ANKRD13C: variants seen among roughly 807,000 people sequenced by gnomAD.
ANKRD13C encodes ankyrin repeat domain 13C, also known as ankyrin repeat domain-containing protein 13C.
In ANKRD13C, 16 loss-of-function variants were observed where a neutral mutation model predicts 65.5. The observed-to-expected ratio is 0.24, with a 90% CI of 0.17 to 0.37. The LOEUF is 0.37. Among genes scored for constraint, ANKRD13C ranks in the 10% least tolerant of loss-of-function variants. ANKRD13C has a pLI of 1.00. For missense variants in ANKRD13C, 503 were observed against 655.9 expected (o/e 0.77, Z 2.55); for synonymous variants, 235 against 238.7 (o/e 0.98, Z 0.14).
chr1:70,318,679 G>GTTTTTTTTTTTT (rs11337993), intron 3 of ANKRD13C, among the ~76,000 whole-genome samples: 1 of 94,210 alleles, frequency 1.1e-5, no homozygotes. Flanking sequence ...ATCAATCTTT[G>GTTTTTTTTTTTT]TTTTTTTTTT....
intron 7 of ANKRD13C, among the ~76,000 whole-genome samples, chr1:70,299,781 G>A (rs1680247915): frequency 6.6e-6 from 1 of 152,186 alleles, no homozygotes; most frequent in African/African-American, 2.4e-5. Flanking sequence ...AGGTACCTGG[G>A]AGACACACAT....
At chr1:70,337,016 A>T (rs573804579) in intron 1 of ANKRD13C, among the ~76,000 whole-genome samples, 1 of 152,198 alleles carries the variant, frequency 6.6e-6, no homozygotes, top group African/African-American at 2.4e-5. Flanking sequence ...CAATTTTACG[A>T]AAGTCATCAC....
intron 1 of ANKRD13C, among the ~76,000 whole-genome samples, chr1:70,347,505 T>C (rs1390401107): frequency 1.3e-5 from 2 of 152,158 alleles, no homozygotes; most frequent in African/African-American, 4.8e-5. Flanking sequence ...TAATCACCCA[T>C]TTCTGCTACC....
At chr1:70,335,514 C>T (rs1019391961) in intron 2 of ANKRD13C, among the ~76,000 whole-genome samples, 8 of 151,660 alleles carry the variant, frequency 5.3e-5, no homozygotes, top group African/African-American at 9.7e-5. Context: ...CCAGAATAAC[C>T]GGGGATCTAA....
At chr1:70,281,840 A>T (rs1045530717) in intron 9 of ANKRD13C, among the ~76,000 whole-genome samples, 1 of 151,214 alleles carries the variant, frequency 6.6e-6, no homozygotes, top group Non-Finnish European at 1.5e-5. Context: ...TGAGGTCAGG[A>T]GTTCGACACC....
At chr1:70,335,334 A>G (rs1440720306) in intron 2 of ANKRD13C, among the ~76,000 whole-genome samples, 1 of 151,700 alleles carries the variant, frequency 6.6e-6, no homozygotes, top group Non-Finnish European at 1.5e-5. Flanking sequence ...TAAACCTGGG[A>G]GGCAGAGGTT....
chr1:70,329,867 C>A (rs150514302), intron 2 of ANKRD13C, among the ~76,000 whole-genome samples: 13 of 151,668 alleles, frequency 8.6e-5, no homozygotes, highest in African/African-American at 3.1e-4. Context: ...CTGAGGCGGG[C>A]GGATCAGGAG....
chr1:70,285,299 T>C (rs568207411), intron 9 of ANKRD13C, among the ~76,000 whole-genome samples: 2 of 150,892 alleles, frequency 1.3e-5, no homozygotes, highest in African/African-American at 4.9e-5. Context: ...TTCAAGCAAT[T>C]CTCCTGCCTC....
intron 12 of ANKRD13C, among the ~76,000 whole-genome samples, chr1:70,263,863 AG>A (rs1321953805): frequency 6.6e-6 from 1 of 152,210 alleles, no homozygotes; most frequent in Non-Finnish European, 1.5e-5. Context: ...GTGTCTACCT[AG>A]GGTAAGGGCA....
chr1:70,291,445 G>A (rs554602784), intron 9 of ANKRD13C, among the ~76,000 whole-genome samples: 1 of 152,260 alleles, frequency 6.6e-6, no homozygotes, highest in East Asian at 1.9e-4. Context: ...ACTTCACAGA[G>A]GAATAAGATT....
chr1:70,301,015 C>A, intron 6 of ANKRD13C, 107 bp from the exon 7 acceptor site: 1 of 1,150,240 alleles, frequency 8.7e-7, no homozygotes, highest in Non-Finnish European at 1.2e-6. Context: ...GATGCTAATA[C>A]CATATTGCAA....
rs1678430423 is a variant in ANKRD13C, at chr1:70,262,575, CACTGT to C, written c.*137_*141del. 1.1e-6 allele frequency: 1 copy of C among 905,850 alleles called. No individual in the cohort carries two copies. Among genetic ancestry groups the C allele is most frequent in the African/African-American group, 1.7e-5 (1 of 60,006 alleles). The allele number at this position is 905,850 out of a possible 1,614,324, so 56.1% of individuals were successfully genotyped here. A position where few individuals can be genotyped will look rare whatever the true frequency, so the allele number is the denominator to read the frequency against. On this transcript the variant is annotated 3_prime_UTR_variant, in exon 13 of 13. Transcript: ENST00000370944. ...TGAAATTCTTATTAGAGGCCCATTT[CACTGT>C]ATCGTATTACTGATGTGTCGATTCA...
At chr1:70,324,139 C>T (rs920308108) in intron 3 of ANKRD13C, among the ~76,000 whole-genome samples, 1 of 152,036 alleles carries the variant, frequency 6.6e-6, no homozygotes, top group Admixed American at 6.6e-5. Flanking sequence ...ATAAAACTGC[C>T]AACGTTTTTT....
intron 5 of ANKRD13C, among the ~76,000 whole-genome samples, chr1:70,313,221 T>C (rs1029789288): frequency 1.3e-5 from 2 of 152,172 alleles, no homozygotes; most frequent in African/African-American, 2.4e-5. Flanking sequence ...AAAGTGCCAT[T>C]TTCAACCTTA....
chr1:70,347,268 G>A (rs1682573085), intron 1 of ANKRD13C, among the ~76,000 whole-genome samples: 1 of 152,034 alleles, frequency 6.6e-6, no homozygotes, highest in African/African-American at 2.4e-5. Flanking sequence ...AATAAATGGT[G>A]TAGGAACAGA....
At chr1:70,343,270 A>C (rs1682388754) in intron 1 of ANKRD13C, among the ~76,000 whole-genome samples, 3 of 152,184 alleles carry the variant, frequency 2.0e-5, no homozygotes, top group Admixed American at 6.5e-5. Context: ...CTAACAGTGA[A>C]TTTACTGTAT....
At chr1:70,353,263 T>C (rs988083928) in intron 1 of ANKRD13C, among the ~76,000 whole-genome samples, 5 of 152,224 alleles carry the variant, frequency 3.3e-5, no homozygotes, top group Non-Finnish European at 7.3e-5. Context: ...TGGTCAATAT[T>C]GACTAAGATA....
intron 2 of ANKRD13C, among the ~76,000 whole-genome samples, chr1:70,333,664 T>G (rs1207754295): frequency 6.6e-6 from 1 of 152,182 alleles, no homozygotes; most frequent in Non-Finnish European, 1.5e-5. Flanking sequence ...TAGTTAGCAG[T>G]GAACACCAGA....
At chr1:70,346,810 G>C (rs370655765) in intron 1 of ANKRD13C, among the ~76,000 whole-genome samples, 2 of 152,028 alleles carry the variant, frequency 1.3e-5, no homozygotes, top group East Asian at 1.9e-4. Flanking sequence ...AAATTGTGTC[G>C]GGCGGGCGCG....
Sources: gnomAD v4.1 joint callset for allele counts (sites outside exome capture counted in the v4.1 genomes callset) on GRCh38, gnomAD v4.1.1 for gene constraint, MANE v1.5 for transcripts, NCBI Gene and HGNC (gene_info 2026-07-23, HGNC 2026-07-21) for gene names.